COL6A3: variants seen among roughly 807,000 people sequenced by gnomAD.
COL6A3 encodes the protein collagen type VI alpha 3 chain.
COL6A3 carries 137 observed loss-of-function variants against 274.1 expected under a neutral mutation model. That is an observed-to-expected ratio of 0.50 (90% CI 0.44 to 0.58). The LOEUF is 0.58. Among genes scored for constraint, COL6A3 ranks in the 20% least tolerant of loss-of-function variants. The pLI, the probability that COL6A3 is intolerant of heterozygous loss-of-function variation, is 0.00. For missense variants in COL6A3, 3,950 were observed against 4,124.9 expected (o/e 0.96, Z 1.16); for synonymous variants, 1,650 against 1,650.6 (o/e 1.00, Z 0.01).
chr2:237,325,814 T>C (rs901383972), intron 42 of COL6A3, 90 bp from the exon 43 acceptor site: 1 of 1,142,286 alleles, frequency 8.8e-7, no homozygotes, highest in Admixed American at 2.2e-5. Context: ...ATGACCCTAC[T>C]GTGGCAGAAG....
At position 237,359,444 on chromosome 2, in the gene COL6A3, G is replaced by A. The variant is rs554801489; in HGVS notation, c.6283-56C>T. The A allele has an allele frequency of 1.6e-5, 26 of 1,591,182 alleles. No homozygotes were observed. The African/African-American group carries it at 1.7e-4, about 11-fold the overall frequency. ...GCTTTTCCTGCAGGGCTGGTCCCTC[G>A]GGCAGAAGAGGCCAAGGGCTGTTCC... On this transcript the variant is annotated intron_variant, in intron 17 of 43. Coordinates refer to ENST00000295550, the MANE Select transcript of COL6A3 (RefSeq NM_004369.4).
rs961453818 is a variant in COL6A3, at chr2:237,413,547, C to T, written c.-31+406G>A. On this transcript the variant is annotated intron_variant, in intron 1 of 43. Coordinates refer to ENST00000295550, the MANE Select transcript of COL6A3 (RefSeq NM_004369.4). The surrounding 1 kb of genome is among the most constrained non-coding windows in gnomAD (Gnocchi z 4.0). ...AGAGAGCTCAGAGAACATCTCCCAG[C>T]GGAGCCGCCCGGCAGGGAGCTATGC... Among the ~76,000 whole-genome samples the T allele has an allele frequency of 3.9e-5, 6 of 152,324 alleles. No individual in the cohort carries two copies. In the East Asian group the frequency reaches 7.7e-4, roughly 20 times the overall value.
intron 1 of COL6A3, among the ~76,000 whole-genome samples, chr2:237,397,190 GGAAGGGAAGGAAGGAAGAAGTGAAA>G (rs963841728): frequency 4.1e-5 from 6 of 146,660 alleles, no homozygotes; most frequent in African/African-American, 1.3e-4. Context: ...GGAAGGTAAG[GGAAGGGAAGGAAGGAAGAAGTGAAA>G]GAAGGGAAGG....
At chr2:237,340,350 C>T (rs1030226088) in intron 38 of COL6A3, 102 bp downstream of exon 38, 30 of 1,097,258 alleles carry the variant, frequency 2.7e-5, no homozygotes, top group Admixed American at 2.5e-4. Context: ...TGAAACAGTT[C>T]CTGTCAACAC....
rs969160751 is a variant in COL6A3 at position 237,340,834 on chromosome 2, G to T, written c.8082C>A (p.Ser2694=). ...TGAGGAAGTCCACCAGCTTCTCCTT[G>T]GAGCCATAGTCAGTCAGGGAGAATT... The part of the protein sequence containing the change: ...KVEFSLTDYG[S]KEKLVDFLSR... The change falls in exon 38 of 44, where the codon TCC becomes TCA. Residue 2694 remains serine, a synonymous_variant. Coordinates refer to ENST00000295550, the MANE Select transcript of COL6A3 (RefSeq NM_004369.4). 3.7e-6 allele frequency: 6 copies of T among 1,614,010 alleles called. No individual in the cohort carries two copies. The highest frequency in any genetic ancestry group is 5.1e-6 in the Non-Finnish European group (6 of 1,180,034).
rs767437328 is a variant in COL6A3 at position 237,377,340 on chromosome 2, G to C, written c.2502C>G (p.Ser834Arg). The C allele has an allele frequency of 1.3e-6, 2 of 1,599,912 alleles. No homozygotes were observed. Among genetic ancestry groups the C allele is most frequent in the South Asian group, 1.1e-5 (1 of 91,078 alleles). The change falls in exon 7 of 44, where the codon AGC becomes AGG. Residue 834 changes from serine to arginine, a missense_variant. Physicochemically the swap from Ser to Arg is moderately radical, Grantham distance 110. This residue lies in a region of COL6A3 where 1,934 missense variants were observed against 1,984.3 expected (regional missense o/e 0.97). Coordinates refer to ENST00000295550, the MANE Select transcript of COL6A3 (RefSeq NM_004369.4). The part of the protein sequence containing the change: ...VEEVPLAQPE[S>R]KRDILFLFDG... ...CAAAGAGGAACAGAATGTCTCGCTT[G>C]CTCTCTGCAATGAAGGTAGATTAGG...
chr2:237,353,509 G>A, intron 24 of COL6A3, 106 bp from the exon 25 acceptor site: 1 of 961,996 alleles, frequency 1.0e-6, no homozygotes, highest in African/African-American at 1.6e-5. Context: ...AGCAACCAGG[G>A]AAAACTCAGC....
chr2:237,412,798 T>G (rs2078888369), intron 1 of COL6A3, among the ~76,000 whole-genome samples: 1 of 152,140 alleles, frequency 6.6e-6, no homozygotes, highest in Admixed American at 6.5e-5. Context: ...TCTAGCACCC[T>G]GTGGTCCTCG....
chr2:237,374,851 G>A lies in COL6A3; in HGVS notation c.3240C>T (p.Phe1080=), dbSNP rs1275762962. ...VQYSDRTRPE[F]YLNSYMNKQD... ...GCTTGTTCATGTATGAATTCAGGTAGAACTCGGGCCTGGTCCGGTCGCTGT... is the reference window on the plus strand; with the variant it reads ...GCTTGTTCATGTATGAATTCAGGTAAAACTCGGGCCTGGTCCGGTCGCTGT... The change falls in exon 8 of 44, where the codon TTC becomes TTT. Residue 1080 remains phenylalanine, a synonymous_variant. Coordinates refer to ENST00000295550, the MANE Select transcript of COL6A3 (RefSeq NM_004369.4). The surrounding 1 kb of genome is among the most constrained non-coding windows in gnomAD (Gnocchi z 4.8). 1 of 1,614,034 alleles carries A rather than the reference G, an allele frequency of 6.2e-7. No homozygotes were observed. The highest frequency in any genetic ancestry group is 1.1e-5 in the South Asian group (1 of 91,074).
At chr2:237,398,025 T>G (rs929502404) in intron 1 of COL6A3, among the ~76,000 whole-genome samples, 8 of 152,250 alleles carry the variant, frequency 5.3e-5, no homozygotes, top group Non-Finnish European at 1.0e-4. Context: ...TTGTAAGTCA[T>G]GTTTAAAAGA....
At chr2:237,360,533 C>T (rs964889942) in intron 16 of COL6A3, among the ~76,000 whole-genome samples, 3 of 152,148 alleles carry the variant, frequency 2.0e-5, no homozygotes, top group Non-Finnish European at 4.4e-5. Flanking sequence ...CGAGCCCTGC[C>T]GGCTGGGCCC....
intron 3 of COL6A3, among the ~76,000 whole-genome samples, chr2:237,394,380 G>C (rs867808775): frequency 2.0e-4 from 30 of 152,222 alleles, no homozygotes; most frequent in African/African-American, 7.2e-4. Flanking sequence ...TTTAAAAAAA[G>C]ACTCTTCTTG....
Position 237,387,792 on chromosome 2 carries a change from C to T in COL6A3, c.1102G>A (p.Ala368Thr). Residue 368 changes from alanine to threonine, a missense_variant, in exon 4 of 44, where the codon GCA (alanine) becomes ACA (threonine). Coordinates refer to ENST00000295550, the MANE Select transcript of COL6A3 (RefSeq NM_004369.4). ...SSDEIRYGVV[A>T]LKQASVFSFG... Reference sequence around the variant, plus strand: ...GAGAACACGCTAGCCTGCTTCAGTGCTACCACCCCGTAGCGAATCTCGTCA... The same window carrying T: ...GAGAACACGCTAGCCTGCTTCAGTGTTACCACCCCGTAGCGAATCTCGTCA... 6.2e-7 allele frequency: 1 copy of T among 1,614,120 alleles called. No individual in the cohort carries two copies. The highest frequency in any genetic ancestry group is 8.5e-7 in the Non-Finnish European group (1 of 1,179,998).
rs1574979866 is a variant in COL6A3, at chr2:237,361,782, C to T, written c.6113G>A (p.Gly2038Glu). The T allele has an allele frequency of 6.2e-7, 1 of 1,614,184 alleles. No individual in the cohort carries two copies. Among genetic ancestry groups the T allele is most frequent in the Non-Finnish European group, 8.5e-7 (1 of 1,180,040 alleles). ...GATGGGCCCGCGGTCTCCCCTCTGC[C>T]CAGAGCACTTGCAGGGAACCCCACA... Reference protein sequence around the residue: ...ACCGVPCKCSGQRGDRGPIGS... With the variant: ...ACCGVPCKCSEQRGDRGPIGS... The change falls in exon 15 of 44, where the codon GGG (glycine) becomes GAG (glutamate). Residue 2038 changes from glycine to glutamate, a missense_variant. This residue lies in a region of COL6A3 where 92 missense variants were observed against 143.4 expected (regional missense o/e 0.64). Transcript: ENST00000295550. This position sits in a 1 kb window ranked among gnomAD's most constrained non-coding sequence, Gnocchi z 5.1.
chr2:237,340,325 T>C, intron 38 of COL6A3, 127 bp downstream of exon 38: 1 of 884,404 alleles, frequency 1.1e-6, no homozygotes. Flanking sequence ...TGTCAATATA[T>C]GTCTGTTCAA....
chr2:237,378,522 G>A lies in COL6A3; in HGVS notation c.2497+114C>T, dbSNP rs549607068. The A allele has an allele frequency of 2.3e-4, 344 of 1,475,390 alleles. 6 individuals carry two copies. The South Asian group carries it at 3.8e-3, about 16-fold the overall frequency. 91.4% of individuals were successfully genotyped at this position (1,475,390 alleles called of 1,614,324 possible). A position where few individuals can be genotyped will look rare whatever the true frequency, so the allele number is the denominator to read the frequency against. ...CCCATTCAAACTATTTCAATGGAAG[G>A]GAGCCAATTGTCTTTGTACAGTCCA... On this transcript the variant is annotated intron_variant, in intron 6 of 43. Transcript: ENST00000295550.
chr2:237,388,259 A>G, intron 3 of COL6A3, 75 bp from the exon 4 acceptor site: 1 of 1,593,240 alleles, frequency 6.3e-7, no homozygotes, highest in Non-Finnish European at 8.6e-7. Context: ...GTGTTCTGAC[A>G]TGTTTCTTTG....
At chr2:237,352,164 G>A (rs546372062) in intron 26 of COL6A3, among the ~76,000 whole-genome samples, 1 of 152,250 alleles carries the variant, frequency 6.6e-6, no homozygotes, top group South Asian at 2.1e-4. Flanking sequence ...AAGCACAAGG[G>A]GCTATCTCCA....
chr2:237,381,073 A>G lies in COL6A3; in HGVS notation c.1739T>C (p.Phe580Ser). The G allele has an allele frequency of 6.2e-7, 1 of 1,614,244 alleles. No individual in the cohort carries two copies. The highest frequency in any genetic ancestry group is 8.5e-7 in the Non-Finnish European group (1 of 1,180,050). ...QELKRSSIMAFAIGNKGADQA... is the reference protein window; with the variant it reads ...QELKRSSIMASAIGNKGADQA... ...ATCGGCACCCTTGTTCCCAATGGCA[A>G]AGGCCATTATGCTGCTTCTCTTCAG... Residue 580 changes from phenylalanine (F) to serine (S), a missense_variant, in exon 5 of 44, where the codon TTT becomes TCT. Physicochemically the swap from Phe to Ser is radical, Grantham distance 155. This residue lies in a region of COL6A3 where 1,934 missense variants were observed against 1,984.3 expected (regional missense o/e 0.97). Coordinates refer to ENST00000295550, the MANE Select transcript of COL6A3 (RefSeq NM_004369.4).
Sources: gnomAD v4.1 joint callset for allele counts (sites outside exome capture counted in the v4.1 genomes callset) on GRCh38, gnomAD v4.1.1 for gene constraint, gnomAD v4.1.1 regional missense constraint, Gnocchi (gnomAD v3.1) non-coding constraint, MANE v1.5 for transcripts, NCBI Gene and HGNC (gene_info 2026-07-23, HGNC 2026-07-21) for gene names.